The following IGHMBP2 variants were observed in gnomAD, a reference collection of about 807,000 sequenced individuals.
IGHMBP2 encodes the protein DNA-binding protein SMUBP-2.
IGHMBP2 carries 81 observed loss-of-function variants against 96.0 expected under a neutral mutation model. The observed-to-expected ratio is 0.84, with a 90% CI of 0.71 to 1.01. IGHMBP2 has a LOEUF of 1.01. IGHMBP2 is among the 50% of genes least tolerant of loss of function. The pLI, the probability that IGHMBP2 is intolerant of heterozygous loss-of-function variation, is 0.00. For missense variants in IGHMBP2, 1,227 were observed against 1,306.3 expected (o/e 0.94, Z 0.94); for synonymous variants, 557 against 548.9 (o/e 1.01, Z -0.21).
At chr11:68,909,266 G>A (rs1483705598) in intron 4 of IGHMBP2, among the ~76,000 whole-genome samples, 7 of 150,134 alleles carry the variant, frequency 4.7e-5, no homozygotes, top group South Asian at 2.1e-4. Flanking sequence ...TGCAACCTCC[G>A]CCTCCCGGGC....
chr11:68,938,429 G>C, intron 14 of IGHMBP2, 75 bp downstream of exon 14: 1 of 1,382,514 alleles, frequency 7.2e-7, no homozygotes, highest in Non-Finnish European at 9.9e-7. Flanking sequence ...GCAGACCCTG[G>C]GCAGACTTGT....
chr11:68,925,614 C>T (rs757381969), intron 7 of IGHMBP2, among the ~76,000 whole-genome samples: 53 of 152,310 alleles, frequency 3.5e-4, no homozygotes, highest in Non-Finnish European at 3.8e-4. Context: ...CTCCAAAGGA[C>T]TCCCTTTGGT....
rs771485988 is a variant in IGHMBP2, at chr11:68,933,412, G to T, written c.1349G>T (p.Arg450Leu). The T allele has an allele frequency of 6.2e-7, 1 of 1,613,164 alleles. No individual in the cohort carries two copies. The highest frequency in any genetic ancestry group is 8.5e-7 in the Non-Finnish European group (1 of 1,179,848). ...TACCGCATGCACCAGGCTATCATGC[G>T]CTGGGCCTCAGACACCATGTACCTT... ...VQYRMHQAIM[R>L]WASDTMYLGQ... The change falls in exon 9 of 15, where the codon CGC (arginine) becomes CTC (leucine). Residue 450 changes from arginine (R) to leucine (L), a missense_variant. This residue lies in a region of IGHMBP2 where 703 missense variants were observed against 770.3 expected (regional missense o/e 0.91). Transcript: ENST00000255078.
rs367857564 is a variant in IGHMBP2, at chr11:68,938,152, G to A, written c.2612-30G>A. Reference sequence around the variant, plus strand: ...ATGAGGGGCCAGGTGTTGTCTTTCCGTTTGCCTGAGTGACGCGGGTCTTCT... The same window carrying A: ...ATGAGGGGCCAGGTGTTGTCTTTCCATTTGCCTGAGTGACGCGGGTCTTCT... On this transcript the variant is annotated intron_variant, in intron 13 of 14. Coordinates refer to ENST00000255078, the MANE Select transcript of IGHMBP2 (RefSeq NM_002180.3). 145 of 1,613,354 alleles carry A rather than the reference G, an allele frequency of 9.0e-5. No homozygotes were observed. In the African/African-American group the frequency reaches 1.2e-3, roughly 13 times the overall value.
At chr11:68,911,054 C>T (rs1284122944) in intron 4 of IGHMBP2, among the ~76,000 whole-genome samples, 1 of 152,096 alleles carries the variant, frequency 6.6e-6, no homozygotes, top group African/African-American at 2.4e-5. Flanking sequence ...GGAAACATTT[C>T]CTTCATTCCT....
rs199517937 is a variant in IGHMBP2, at chr11:68,933,485, A to C, written c.1418+4A>C. ...CCGTGGCAAGGCACCTCCTGAGGTG[A>C]GTAGCTCGGCACCACCCGCCGCCCC... On this transcript the variant is annotated splice_donor_region_variant and intron_variant, in intron 9 of 14. Transcript: ENST00000255078. 1 of 1,610,616 alleles carries C rather than the reference A, an allele frequency of 6.2e-7. No individual in the cohort carries two copies. Among genetic ancestry groups the C allele is most frequent in the African/African-American group, 1.3e-5 (1 of 74,890 alleles).
At chr11:68,911,003 A>G (rs11228404) in intron 4 of IGHMBP2, among the ~76,000 whole-genome samples, 1 of 152,028 alleles carries the variant, frequency 6.6e-6, no homozygotes, top group Non-Finnish European at 1.5e-5. Context: ...TTTTATGGGC[A>G]CTTTAAAGAG....
intron 13 of IGHMBP2, among the ~76,000 whole-genome samples, chr11:68,937,381 TG>T (rs1329455050): frequency 6.6e-6 from 1 of 152,166 alleles, no homozygotes; most frequent in Non-Finnish European, 1.5e-5. Flanking sequence ...AGAGCAAACA[TG>T]GATGGCTCCC....
At chr11:68,931,452 AT>A (rs1859295329) in intron 8 of IGHMBP2, among the ~76,000 whole-genome samples, 1 of 152,088 alleles carries the variant, frequency 6.6e-6, no homozygotes, top group East Asian at 1.9e-4. Context: ...GGAAAGGCAG[AT>A]CCTACCTGTT....
At chr11:68,914,672 G>C (rs1288108387) in intron 5 of IGHMBP2, 151 bp from the exon 6 acceptor site, 1 of 831,002 alleles carries the variant, frequency 1.2e-6, no homozygotes, top group Non-Finnish European at 2.0e-6. Flanking sequence ...GATCACACGT[G>C]GGCTTGGAAA....
intron 10 of IGHMBP2, 67 bp downstream of exon 10, chr11:68,933,980 G>A (rs1262002176): frequency 2.6e-6 from 3 of 1,140,062 alleles, no homozygotes; most frequent in African/African-American, 3.1e-5. Context: ...AAAATAAAAG[G>A]CACTTTAATT....
intron 7 of IGHMBP2, among the ~76,000 whole-genome samples, chr11:68,920,225 C>T (rs894801589): frequency 2.0e-5 from 3 of 152,128 alleles, no homozygotes; most frequent in Non-Finnish European, 4.4e-5. Flanking sequence ...TGTTGTCCAG[C>T]TTTCTTTTTA....
intron 5 of IGHMBP2, among the ~76,000 whole-genome samples, chr11:68,914,302 AAAG>A (rs1328645062): frequency 2.8e-3 from 241 of 86,510 alleles, no homozygotes; most frequent in African/African-American, 7.2e-3. Flanking sequence ...CAAAAAAAAA[AAAG>A]AAAGAAAGAA....
In IGHMBP2 at chr11:68,935,549, C is replaced by A. The variant is rs1859492932; in HGVS notation, c.1756+127C>A. On this transcript the variant is annotated intron_variant, in intron 12 of 14. Coordinates refer to ENST00000255078, the MANE Select transcript of IGHMBP2 (RefSeq NM_002180.3). ...AGTGTGCTCATGGTGCACCTTCTGT[C>A]CTTAGTAAGTTCACGTCAGGCAAAG... is the stretch of plus-strand genomic sequence containing the variant. 1.1e-5 allele frequency: 12 copies of A among 1,133,222 alleles called. No individual in the cohort carries two copies. The Admixed American group carries it at 1.9e-4, about 18-fold the overall frequency. 70.2% of individuals were successfully genotyped at this position (1,133,222 alleles called of 1,614,324 possible). A position where few individuals can be genotyped will look rare whatever the true frequency, so the allele number is the denominator to read the frequency against.
chr11:68,910,155 A>G (rs992097427), intron 4 of IGHMBP2, among the ~76,000 whole-genome samples: 8 of 152,254 alleles, frequency 5.3e-5, no homozygotes, highest in Admixed American at 3.3e-4. Context: ...TCAAACACAC[A>G]GGACGACTTT....
intron 7 of IGHMBP2, among the ~76,000 whole-genome samples, chr11:68,928,722 G>C (rs1165680888): frequency 6.6e-6 from 1 of 152,086 alleles, no homozygotes; most frequent in South Asian, 2.1e-4. Flanking sequence ...GCTGCTCCGC[G>C]TCCCAGGAAG....
rs1411944123 is a variant in IGHMBP2, at chr11:68,939,817, A to G, written c.*86A>G. Reference sequence around the variant, plus strand: ...ACCATGCTCCGCCTCCACCAGGGCCACAGAGGAGCGGAGGGGCCTATGGGG... The same window carrying G: ...ACCATGCTCCGCCTCCACCAGGGCCGCAGAGGAGCGGAGGGGCCTATGGGG... On this transcript the variant is annotated 3_prime_UTR_variant, in exon 15 of 15. Coordinates refer to ENST00000255078, the MANE Select transcript of IGHMBP2 (RefSeq NM_002180.3). The G allele has an allele frequency of 6.3e-6, 9 of 1,420,154 alleles. No homozygotes were observed. The East Asian group carries it at 2.2e-4, about 35-fold the overall frequency. The allele number at this position is 1,420,154 out of a possible 1,614,324, so 88.0% of individuals were successfully genotyped here. A position where few individuals can be genotyped will look rare whatever the true frequency, so the allele number is the denominator to read the frequency against.
chr11:68,905,973 A>G, intron 1 of IGHMBP2, 96 bp from the exon 2 acceptor site: 1 of 1,249,484 alleles, frequency 8.0e-7, no homozygotes, highest in Non-Finnish European at 1.2e-6. Flanking sequence ...CTGTGAGTAG[A>G]TCTTTATCTA....
At chr11:68,935,880 A>G (rs1566445606) in intron 12 of IGHMBP2, among the ~76,000 whole-genome samples, 1 of 152,246 alleles carries the variant, frequency 6.6e-6, no homozygotes, top group Non-Finnish European at 1.5e-5. Context: ...GGCAGAAAGC[A>G]GGTGAGGCCT....
Sources: allele counts gnomAD v4.1 joint callset (sites outside exome capture counted in the v4.1 genomes callset), GRCh38; gene constraint gnomAD v4.1.1; regional missense constraint gnomAD v4.1.1; transcripts MANE v1.5; gene names NCBI Gene and HGNC (gene_info 2026-07-23, HGNC 2026-07-21).